RBFOX1: variants seen among roughly 807,000 people sequenced by gnomAD.
RBFOX1 encodes RNA binding fox-1 homolog 1.
In RBFOX1, 8 loss-of-function variants were observed where a neutral mutation model predicts 57.7. The ratio of observed to expected loss-of-function variants is 0.14; its 90% CI spans 0.08 to 0.25. The LOEUF (loss-of-function observed/expected upper bound fraction) is 0.25. Among genes scored for constraint, RBFOX1 ranks in the 10% least tolerant of loss-of-function variants. RBFOX1 has a pLI of 1.00. For missense variants in RBFOX1, 611 were observed against 548.5 expected, an observed-to-expected ratio of 1.11 and a Z score of -1.14; for synonymous variants, 326 against 222.4, an observed-to-expected ratio of 1.47 and a Z score of -4.15.
At chr16:7,358,009 C>T (rs1234723792) in intron 4 of RBFOX1, among the ~76,000 whole-genome samples, 1 of 152,252 alleles carries the variant, frequency 6.6e-6, no homozygotes, top group African/African-American at 2.4e-5. Context: ...TCCATGTGGG[C>T]TAATGACTAG....
At chr16:5,353,538 T>A (rs1034000758) in intron 1 of RBFOX1, among the ~76,000 whole-genome samples, 1 of 152,142 alleles carries the variant, frequency 6.6e-6, no homozygotes, top group African/African-American at 2.4e-5. Context: ...TTTATGTGAA[T>A]GTCACAGCCT....
intron 4 of RBFOX1, among the ~76,000 whole-genome samples, chr16:5,963,550 A>G (rs1441273675): frequency 2.0e-5 from 3 of 152,230 alleles, no homozygotes; most frequent in Admixed American, 2.0e-4. Context: ...GTACTGGCAT[A>G]TAAACAGACA....
intron 4 of RBFOX1, among the ~76,000 whole-genome samples, chr16:7,221,042 C>T (rs561031314): frequency 2.6e-4 from 40 of 152,122 alleles, no homozygotes; most frequent in Non-Finnish European, 5.4e-4. Context: ...TACTGTCTAA[C>T]TAGTAGAGGT....
intron 3 of RBFOX1, among the ~76,000 whole-genome samples, chr16:5,754,365 G>A (rs1238721556): frequency 6.6e-6 from 1 of 152,172 alleles, no homozygotes; most frequent in Admixed American, 6.5e-5. Flanking sequence ...AGGAAGGAAG[G>A]GAGTGTTTTA....
intron 4 of RBFOX1, among the ~76,000 whole-genome samples, chr16:7,280,951 ACCTACCTCCCTCCCTCCCTC>A (rs2095529436): frequency 9.1e-6 from 1 of 109,932 alleles, no homozygotes; most frequent in South Asian, 3.6e-4. Context: ...GTGATTCCCT[ACCTACCTCCCTCCCTCCCTC>A]CCTCCCTCCC....
chr16:5,766,641 C>G (rs751805090), intron 3 of RBFOX1, among the ~76,000 whole-genome samples: 26 of 152,216 alleles, frequency 1.7e-4, no homozygotes, highest in Middle Eastern at 6.8e-3. Context: ...TTACTCACTA[C>G]CATGAGGACA....
intron 4 of RBFOX1, among the ~76,000 whole-genome samples, chr16:7,115,650 A>C (rs1177211250): frequency 6.6e-6 from 1 of 152,216 alleles, no homozygotes; most frequent in Non-Finnish European, 1.5e-5. Context: ...CCTCCAGAAT[A>C]AGCAATTCAA....
intron 4 of RBFOX1, among the ~76,000 whole-genome samples, chr16:7,164,667 C>T (rs565520821): frequency 2.2e-4 from 33 of 152,328 alleles, no homozygotes; most frequent in African/African-American, 7.7e-4. Context: ...CACACAATGA[C>T]ATTTCAAAAT....
chr16:6,656,512 C>T (rs1029041725), intron 3 of RBFOX1, among the ~76,000 whole-genome samples: 3 of 151,820 alleles, frequency 2.0e-5, no homozygotes, highest in Non-Finnish European at 4.4e-5. Flanking sequence ...TTTCTGGCTA[C>T]TCTGTGATGC....
chr16:7,463,220 C>G (rs1599032701), intron 4 of RBFOX1, among the ~76,000 whole-genome samples: 1 of 152,060 alleles, frequency 6.6e-6, no homozygotes, highest in Non-Finnish European at 1.5e-5. Context: ...GGGCATGAAT[C>G]TAGCCAGGCA....
At chr16:5,910,320 G>T (rs867530361) in intron 4 of RBFOX1, among the ~76,000 whole-genome samples, 97 of 152,242 alleles carry the variant, frequency 6.4e-4, no homozygotes, top group African/African-American at 2.3e-3. Context: ...CCCGTTCCCT[G>T]CCTCCATAGC....
At chr16:5,341,754 G>A (rs1347306381) in intron 1 of RBFOX1, among the ~76,000 whole-genome samples, 3 of 152,200 alleles carry the variant, frequency 2.0e-5, no homozygotes, top group Non-Finnish European at 4.4e-5. Flanking sequence ...GTGGATGGTG[G>A]CCCCTTTTGT....
chr16:6,235,676 C>T (rs1436945792), intron 1 of RBFOX1, among the ~76,000 whole-genome samples: 3 of 151,124 alleles, frequency 2.0e-5, no homozygotes, highest in Non-Finnish European at 4.4e-5. Flanking sequence ...GCTACTTAGC[C>T]ATAAAAAGGA....
At chr16:6,768,452 T>TC (rs1399494349) in intron 3 of RBFOX1, among the ~76,000 whole-genome samples, 6 of 151,460 alleles carry the variant, frequency 4.0e-5, no homozygotes, top group Admixed American at 1.3e-4. Flanking sequence ...GAGGGAAAAT[T>TC]CCCCCCCAGC....
intron 3 of RBFOX1, among the ~76,000 whole-genome samples, chr16:5,683,158 TG>T (rs2050396635): frequency 1.8e-5 from 1 of 55,758 alleles, no homozygotes; most frequent in Non-Finnish European, 3.5e-5. Context: ...GAGGTGGAGG[TG>T]GGGGGTGGGG....
chr16:7,630,235 A>G (rs909544629), intron 10 of RBFOX1, among the ~76,000 whole-genome samples: 2 of 152,126 alleles, frequency 1.3e-5, no homozygotes, highest in African/African-American at 4.8e-5. Flanking sequence ...CCAAGATCAC[A>G]CAGTGAAGAG....
chr16:7,067,169 C>T (rs1023742045), intron 4 of RBFOX1, among the ~76,000 whole-genome samples: 1 of 152,154 alleles, frequency 6.6e-6, no homozygotes, highest in South Asian at 2.1e-4. Flanking sequence ...AACAGGTGAT[C>T]CTTTCACCAA....
chr16:6,910,981 A>C (rs1389704786), intron 3 of RBFOX1, among the ~76,000 whole-genome samples: 2 of 152,098 alleles, frequency 1.3e-5, no homozygotes, highest in Non-Finnish European at 2.9e-5. Context: ...CAGGCGGATC[A>C]CTTGAGGTCA....
chr16:5,318,651 T>A (rs1596502913), intron 1 of RBFOX1, among the ~76,000 whole-genome samples: 1 of 152,200 alleles, frequency 6.6e-6, no homozygotes, highest in African/African-American at 2.4e-5. Context: ...CTCCTTGTGG[T>A]AGACAGACTT....
Sources: allele counts gnomAD v4.1 joint callset (sites outside exome capture counted in the v4.1 genomes callset), GRCh38; gene constraint gnomAD v4.1.1; transcripts MANE v1.5; gene names NCBI Gene and HGNC (gene_info 2026-07-23, HGNC 2026-07-21).